The following SNAP47 variants were observed in gnomAD, a reference collection of about 807,000 sequenced individuals.
SNAP47 encodes the protein synaptosomal-associated protein 47.
A neutral mutation model predicts 31.4 loss-of-function variants in SNAP47; 20 were observed. The ratio of observed to expected loss-of-function variants is 0.64; its 90% CI spans 0.45 to 0.93. The LOEUF (loss-of-function observed/expected upper bound fraction) is 0.93. SNAP47 is among the 40% of genes least tolerant of loss of function. The pLI is 0.00. For synonymous variants in SNAP47, 194 were observed against 213.4 expected (o/e 0.91, Z 0.79); for missense variants, 492 against 528.5 (o/e 0.93, Z 0.68).
At chr1:227,735,737 C>A in intron 1 of SNAP47, 1 of 981,354 alleles carries the variant, frequency 1.0e-6, no homozygotes, top group Non-Finnish European at 1.2e-6. Context: ...AACGGTGGGA[C>A]CCAGAGGGAG....
upstream of SNAP47, chr1:227,735,058 C>A: frequency 6.4e-7 from 1 of 1,557,882 alleles, no homozygotes; most frequent in South Asian, 1.2e-5. Flanking sequence ...CCGCGGGCGT[C>A]ACCCAGCGCC....
chr1:227,776,787 T>C (rs1664186406), intron 4 of SNAP47: 1 of 985,372 alleles, frequency 1.0e-6, no homozygotes, highest in South Asian at 4.7e-5. Context: ...TCTTGTGTTT[T>C]TGCACTATTA....
At chr1:227,739,890 G>T (rs923791365) in intron 1 of SNAP47, among the ~76,000 whole-genome samples, 1 of 152,232 alleles carries the variant, frequency 6.6e-6, no homozygotes, top group African/African-American at 2.4e-5. Flanking sequence ...GGAGGAAGGA[G>T]GTTGCAGATT....
chr1:227,769,724 G>A (rs1437153401), intron 4 of SNAP47, among the ~76,000 whole-genome samples: 1 of 152,108 alleles, frequency 6.6e-6, no homozygotes, highest in East Asian at 1.9e-4. Context: ...TGGAGGGCCG[G>A]GGGCTGTAGG....
At chr1:227,737,878 T>G (rs1469465753) in intron 1 of SNAP47, among the ~76,000 whole-genome samples, 1 of 152,160 alleles carries the variant, frequency 6.6e-6, no homozygotes, top group Non-Finnish European at 1.5e-5. Context: ...GCTTGTGTGA[T>G]CACGGTATGC....
At chr1:227,765,742 C>T (rs1025572933) in intron 3 of SNAP47, among the ~76,000 whole-genome samples, 2 of 152,190 alleles carry the variant, frequency 1.3e-5, no homozygotes, top group Admixed American at 6.5e-5. Context: ...TCCCCACTTG[C>T]ACTCGCACCC....
chr1:227,764,178 C>T (rs1663242067), intron 3 of SNAP47, among the ~76,000 whole-genome samples: 1 of 152,162 alleles, frequency 6.6e-6, no homozygotes, highest in African/African-American at 2.4e-5. Flanking sequence ...CAGAAACCAT[C>T]CTTACAGAAC....
At chr1:227,772,952 C>T (rs752176602) in intron 4 of SNAP47, among the ~76,000 whole-genome samples, 2 of 151,886 alleles carry the variant, frequency 1.3e-5, no homozygotes, top group African/African-American at 2.4e-5. Flanking sequence ...GTAGCTTTGT[C>T]ATAAGGTTTT....
At chr1:227,756,775 C>T (rs768999098) in intron 2 of SNAP47, among the ~76,000 whole-genome samples, 2 of 152,234 alleles carry the variant, frequency 1.3e-5, no homozygotes, top group South Asian at 4.1e-4. Flanking sequence ...AACAGCAGCT[C>T]TAGGTGTCTG....
upstream of SNAP47, chr1:227,734,704 C>G: frequency 6.2e-7 from 1 of 1,614,152 alleles, no homozygotes; most frequent in Non-Finnish European, 8.5e-7. Context: ...AGGAGTAGCC[C>G]GCCTGTATGT....
intron 2 of SNAP47, among the ~76,000 whole-genome samples, chr1:227,750,469 G>T (rs1662275939): frequency 6.6e-6 from 1 of 152,260 alleles, no homozygotes; most frequent in African/African-American, 2.4e-5. Flanking sequence ...ACTGGGCCTT[G>T]TGGCCCTGCT....
upstream of SNAP47, chr1:227,732,775 C>T (rs1660751815): frequency 6.3e-7 from 1 of 1,590,644 alleles, no homozygotes; most frequent in Admixed American, 1.7e-5. Flanking sequence ...AAGAAGGGAC[C>T]ATTAAGACAG....
chr1:227,738,714 T>C (rs1241463383), intron 1 of SNAP47, among the ~76,000 whole-genome samples: 1 of 152,130 alleles, frequency 6.6e-6, no homozygotes, highest in Non-Finnish European at 1.5e-5. Context: ...GGGAGGCCAA[T>C]GGGGAAGATG....
In SNAP47 at chr1:227,780,525, A is replaced by C; in HGVS notation, c.1114-2A>C. On this transcript the variant is annotated splice_acceptor_variant, in intron 4 of 4. Coordinates refer to ENST00000617596, the MANE Select transcript of SNAP47 (RefSeq NM_053052.4). LOFTEE classifies it high-confidence loss of function. ...CTGCTGTGATCTTGTGCTTCTCCCC[A>C]GATCCTGAGGAGGATGAAGGGGCTG... The C allele has an allele frequency of 6.2e-7, 1 of 1,613,958 alleles. No homozygotes were observed. Among genetic ancestry groups the C allele is most frequent in the Non-Finnish European group, 8.5e-7 (1 of 1,180,008 alleles).
At chr1:227,735,995 TG>T (rs552823359) in intron 1 of SNAP47, among the ~76,000 whole-genome samples, 74 of 136,168 alleles carry the variant, frequency 5.4e-4, no homozygotes, top group African/African-American at 2.0e-3. Flanking sequence ...TTGGAGGAGA[TG>T]GGGACATTGA....
intron 4 of SNAP47, among the ~76,000 whole-genome samples, chr1:227,772,282 A>G (rs775448127): frequency 6.6e-6 from 1 of 152,152 alleles, no homozygotes; most frequent in African/African-American, 2.4e-5. Flanking sequence ...AATGAAATTC[A>G]CCACCATCAT....
intron 4 of SNAP47, chr1:227,777,259 T>C: frequency 3.2e-6 from 1 of 311,620 alleles, no homozygotes; most frequent in Non-Finnish European, 4.7e-6. Flanking sequence ...ACAACCAGGG[T>C]CACTAGCACG....
chr1:227,733,549 G>A (rs374345695), upstream of SNAP47: 11 of 1,606,282 alleles, frequency 6.8e-6, no homozygotes, highest in East Asian at 6.7e-5. Context: ...GGGAGGTCAC[G>A]TCGTAGGGCA....
At position 227,769,620 on chromosome 1, in the gene SNAP47, G is replaced by A. The variant is rs192908102; in HGVS notation, c.1113+2537G>A. Among the ~76,000 whole-genome samples, 206 of 152,262 alleles carry A rather than the reference G, an allele frequency of 1.4e-3. 1 individual carries two copies. The highest frequency in any genetic ancestry group is 2.2e-3 in the Non-Finnish European group (149 of 68,032). On this transcript the variant is annotated intron_variant, in intron 4 of 4. Transcript: ENST00000617596. ...GTTGCAACTGGGGGTGCTCAGGAGA[G>A]GGTGGCTGTGATCACACAGGACAGG...
Sources: gnomAD v4.1 joint callset for allele counts (sites outside exome capture counted in the v4.1 genomes callset) on GRCh38, gnomAD v4.1.1 for gene constraint, MANE v1.5 for transcripts, NCBI Gene and HGNC (gene_info 2026-07-23, HGNC 2026-07-21) for gene names.